Variants in TULP4 observed in about 807,000 individuals in gnomAD.
The protein encoded by TULP4 is TUB like protein 4.
TULP4 carries 16 observed loss-of-function variants against 129.0 expected under a neutral mutation model. The ratio of observed to expected loss-of-function variants is 0.12; its 90% confidence interval spans 0.08 to 0.19. The LOEUF is 0.19. TULP4 is among the 10% of genes least tolerant of loss of function. The pLI is 1.00. For synonymous variants in TULP4, 998 were observed against 854.0 expected (o/e 1.17, Z -2.94); for missense variants, 1,842 against 2,059.1 (o/e 0.89, Z 2.04).
At chr6:158,404,607 C>G (rs1273547325) in intron 1 of TULP4, among the ~76,000 whole-genome samples, 1 of 151,898 alleles carries the variant, frequency 6.6e-6, no homozygotes, top group Non-Finnish European at 1.5e-5. Flanking sequence ...GAAACCCCGT[C>G]TCTACTAAAA....
intron 1 of TULP4, among the ~76,000 whole-genome samples, chr6:158,339,794 A>G (rs774082915): frequency 1.3e-5 from 2 of 152,180 alleles, no homozygotes; most frequent in East Asian, 3.9e-4. Flanking sequence ...TCAAACACAC[A>G]TGCTCTACAA....
At chr6:158,266,835 T>C (rs9355611) in intron 1 of TULP4, among the ~76,000 whole-genome samples, 52,315 of 152,006 alleles carry the variant, frequency 0.34, 9,594 homozygotes, top group Admixed American at 0.45. Context: ...CCCATCGATA[T>C]TGAGGGACAA....
chr6:158,327,673 A>ATTTTTTT (rs71030152), intron 1 of TULP4, among the ~76,000 whole-genome samples: 1 of 150,310 alleles, frequency 6.7e-6, no homozygotes. Flanking sequence ...GTTTTAAACA[A>ATTTTTTT]TTTTTTTTTT....
intron 1 of TULP4, among the ~76,000 whole-genome samples, chr6:158,333,069 A>T (rs1779948961): frequency 6.6e-6 from 1 of 152,028 alleles, no homozygotes; most frequent in South Asian, 2.1e-4. Context: ...CTTCTTCCAT[A>T]GTTTGCTTAA....
intron 6 of TULP4, among the ~76,000 whole-genome samples, chr6:158,467,281 T>TC (rs1345391319): frequency 1.9e-4 from 10 of 53,318 alleles, no homozygotes; most frequent in African/African-American, 1.7e-3. Context: ...CCCTTTCTTT[T>TC]TTTTTTTTTT....
At chr6:158,458,113 C>T (rs1410393968) in intron 5 of TULP4, among the ~76,000 whole-genome samples, 2 of 152,170 alleles carry the variant, frequency 1.3e-5, no homozygotes, top group East Asian at 3.8e-4. Context: ...TAACTTCAGA[C>T]TCCAAACAGT....
At chr6:158,477,736 C>T (rs367673549) in intron 6 of TULP4, among the ~76,000 whole-genome samples, 7 of 152,160 alleles carry the variant, frequency 4.6e-5, no homozygotes, top group Admixed American at 3.9e-4. Context: ...AACTAACGTT[C>T]GACCCAGCAA....
At chr6:158,252,591 G>T (rs185671562) in intron 1 of TULP4, among the ~76,000 whole-genome samples, 266 of 152,108 alleles carry the variant, frequency 1.7e-3, no homozygotes, top group African/African-American at 5.6e-3. Context: ...GGCCAGGATG[G>T]TCTCGATCTC....
rs1387476772 is a variant in TULP4 at position 158,511,336 on chromosome 6, C to G, written c.*4642C>G. 1 of 150,960 alleles carries G rather than the reference C, an allele frequency of 6.6e-6. No individual in the cohort carries two copies. Among genetic ancestry groups the G allele is most frequent in the East Asian group, 1.9e-4 (1 of 5,168 alleles). 9.4% of individuals were successfully genotyped at this position (150,960 alleles called of 1,614,324 possible). A position where few individuals can be genotyped will look rare whatever the true frequency, so the allele number is the denominator to read the frequency against. ...TGTTTATAAATGCATTATTTTGGTA[C>G]TGTAAATTTGGACATAATTTCTGAG... On this transcript the variant is annotated 3_prime_UTR_variant, in exon 14 of 14. Transcript: ENST00000367097.
chr6:158,247,167 T>A (rs1361685439), intron 1 of TULP4, among the ~76,000 whole-genome samples: 1 of 152,222 alleles, frequency 6.6e-6, no homozygotes, highest in Non-Finnish European at 1.5e-5. Flanking sequence ...CCATTATTTC[T>A]ACTGTTTCTT....
At chr6:158,408,237 C>T (rs1778010241) in intron 1 of TULP4, among the ~76,000 whole-genome samples, 1 of 152,112 alleles carries the variant, frequency 6.6e-6, no homozygotes. Context: ...GAAGGCTTTA[C>T]TCACCAGGCG....
rs1780647741 is a variant in TULP4, at chr6:158,508,201, G to C, written c.*1507G>C. 6.6e-6 allele frequency: 1 copy of C among 152,126 alleles called. No individual in the cohort carries two copies. The highest frequency in any genetic ancestry group is 1.5e-5 in the Non-Finnish European group (1 of 68,038). The allele number at this position is 152,126 out of a possible 1,614,324, so 9.4% of individuals were successfully genotyped here. On this transcript the variant is annotated 3_prime_UTR_variant, in exon 14 of 14. Coordinates refer to ENST00000367097, the MANE Select transcript of TULP4 (RefSeq NM_020245.5). Reference sequence around the variant, plus strand: ...GTTTTTGTTTTTCTCAGTCTTACCTGTGATGTTGTTTAGGATCAGGCCCCT... The same window carrying C: ...GTTTTTGTTTTTCTCAGTCTTACCTCTGATGTTGTTTAGGATCAGGCCCCT...
intron 2 of TULP4, among the ~76,000 whole-genome samples, chr6:158,417,522 C>G (rs1778236738): frequency 6.6e-6 from 1 of 152,180 alleles, no homozygotes; most frequent in Admixed American, 6.5e-5. Flanking sequence ...GAGCAACTGT[C>G]ATCATTAAAC....
Position 158,494,824 on chromosome 6 carries a change from C to T in TULP4, c.1848C>T (p.Phe616=). ...TTAAGATTGTGGGCTTGGCTGCTTTCCTGCCAACCAACCTCGGTGCAGGTA... is the reference window on the plus strand; with the variant it reads ...TTAAGATTGTGGGCTTGGCTGCTTTTCTGCCAACCAACCTCGGTGCAGGTA... ...TKFKIVGLAA[F]LPTNLGAVIY... Residue 616 remains phenylalanine, a synonymous_variant, in exon 11 of 14, where the codon TTC becomes TTT. Coordinates refer to ENST00000367097, the MANE Select transcript of TULP4 (RefSeq NM_020245.5). 1 of 1,614,052 alleles carries T rather than the reference C, an allele frequency of 6.2e-7. No individual in the cohort carries two copies.
At chr6:158,305,059 T>A (rs941507044) in intron 1 of TULP4, among the ~76,000 whole-genome samples, 1 of 152,116 alleles carries the variant, frequency 6.6e-6, no homozygotes, top group Non-Finnish European at 1.5e-5. Flanking sequence ...CTTTTCATCT[T>A]ACAAAACTAA....
intron 1 of TULP4, among the ~76,000 whole-genome samples, chr6:158,316,250 G>A (rs537669419): frequency 9.8e-5 from 4 of 40,832 alleles, no homozygotes; most frequent in Non-Finnish European, 2.0e-4. Context: ...TGCTATGAAC[G>A]TTTGTGTGCG....
chr6:158,366,078 T>G (rs1444859511), intron 1 of TULP4, among the ~76,000 whole-genome samples: 1 of 151,432 alleles, frequency 6.6e-6, no homozygotes, highest in Non-Finnish European at 1.5e-5. Flanking sequence ...AATTTTTTTG[T>G]ATTTTTAGTA....
At position 158,426,784 on chromosome 6, in the gene TULP4, G is replaced by A. The variant is rs540784647; in HGVS notation, c.382-2952G>A. Among the ~76,000 whole-genome samples the A allele has an allele frequency of 2.0e-5, 3 of 152,322 alleles. No homozygotes were observed. The South Asian group carries it at 6.2e-4, about 32-fold the overall frequency. On this transcript the variant is annotated intron_variant, in intron 2 of 13. Transcript: ENST00000367097. Reference sequence around the variant, plus strand: ...TGTCATTGGTAGTTTGATAGGAATAGCATTACATCTGTAAACTGTTTTGGG... The same window carrying A: ...TGTCATTGGTAGTTTGATAGGAATAACATTACATCTGTAAACTGTTTTGGG...
chr6:158,504,120 G>C lies in TULP4; in HGVS notation c.4457G>C (p.Gly1486Ala), dbSNP rs1355877861. The C allele has an allele frequency of 6.2e-7, 1 of 1,608,476 alleles. No homozygotes were observed. The highest frequency in any genetic ancestry group is 1.7e-5 in the Admixed American group (1 of 59,146). ...ACCCAGGTCTACCAGCTGGACTTCG[G>C]GGGGCGGGTGACCCAGGAGTCCGCC... is the stretch of plus-strand genomic sequence containing the variant. ...EATQVYQLDF[G>A]GRVTQESAKN... Residue 1486 changes from glycine to alanine, a missense_variant, in exon 13 of 14, where the codon GGG (glycine) becomes GCG (alanine). Gly to Ala is a moderately conservative substitution (Grantham distance 60, BLOSUM62 0). Transcript: ENST00000367097.
Sources: gnomAD v4.1 joint callset for allele counts (sites outside exome capture counted in the v4.1 genomes callset) on GRCh38, gnomAD v4.1.1 for gene constraint, MANE v1.5 for transcripts, NCBI Gene and HGNC (gene_info 2026-07-23, HGNC 2026-07-21) for gene names.